Variants in SYT1 observed in about 807,000 individuals in gnomAD.
SYT1 encodes the protein synaptotagmin 1.
In SYT1, 8 loss-of-function variants were observed where a neutral mutation model predicts 44.8. That is an observed-to-expected ratio of 0.18 (90% confidence interval 0.10 to 0.32). The LOEUF (loss-of-function observed/expected upper bound fraction) is 0.32. SYT1 is among the 10% of genes least tolerant of loss of function. The probability of loss-of-function intolerance (pLI) is 1.00; values close to 1 mark genes in which losing one functional copy is unlikely to be tolerated. For synonymous variants in SYT1, 154 were observed against 188.8 expected, an observed-to-expected ratio of 0.82 and a Z score of 1.51; for missense variants, 286 against 509.3, an observed-to-expected ratio of 0.56 and a Z score of 4.22.
At chr12:78,914,265 A>G (rs1876515833) in intron 1 of SYT1, among the ~76,000 whole-genome samples, 1 of 151,826 alleles carries the variant, frequency 6.6e-6, no homozygotes. Flanking sequence ...TACCCTGGAA[A>G]CTATTTCTGT....
Position 78,873,361 on chromosome 12 carries a change from A to G in SYT1, c.-217+8252A>G, listed in dbSNP as rs982047797. On this transcript the variant is annotated intron_variant, in intron 1 of 10. Transcript: ENST00000261205. ...TACATAGTCTTTATTTATCCCACTG[A>G]AAAAATAAGAAAGATTTGATATACC... Among the ~76,000 whole-genome samples the G allele has an allele frequency of 3.9e-4, 59 of 151,722 alleles. 1 individual carries two copies. The highest frequency in any genetic ancestry group is 1.2e-3 in the Admixed American group (18 of 15,180).
intron 9 of SYT1, among the ~76,000 whole-genome samples, chr12:79,360,600 G>A (rs1021276555): frequency 6.6e-6 from 1 of 152,166 alleles, no homozygotes; most frequent in African/African-American, 2.4e-5. Context: ...AATTGGCCAT[G>A]ATATCAGGGT....
chr12:79,184,872 T>C (rs944476697), intron 3 of SYT1, among the ~76,000 whole-genome samples: 1 of 152,084 alleles, frequency 6.6e-6, no homozygotes, highest in Non-Finnish European at 1.5e-5. Context: ...ACTGGGAAAC[T>C]GTTGATATTT....
intron 8 of SYT1, among the ~76,000 whole-genome samples, chr12:79,340,298 A>G (rs11113802): frequency 6.6e-6 from 1 of 152,092 alleles, no homozygotes; most frequent in African/African-American, 2.4e-5. Flanking sequence ...CTTCCTGTCC[A>G]TGAACATGGA....
chr12:79,314,476 CT>C (rs1565904747), intron 8 of SYT1, among the ~76,000 whole-genome samples: 2 of 152,160 alleles, frequency 1.3e-5, no homozygotes, highest in Non-Finnish European at 2.9e-5. Flanking sequence ...ATGGTGTGAC[CT>C]CAGTGATTGT....
chr12:78,978,224 T>C (rs1383154146), intron 2 of SYT1, among the ~76,000 whole-genome samples: 3 of 152,222 alleles, frequency 2.0e-5, no homozygotes, highest in Non-Finnish European at 4.4e-5. Context: ...TTTTGTACTC[T>C]ATCAAATCCA....
At chr12:79,305,293 G>A (rs1489635348) in intron 8 of SYT1, among the ~76,000 whole-genome samples, 1 of 152,000 alleles carries the variant, frequency 6.6e-6, no homozygotes, top group African/African-American at 2.4e-5. Flanking sequence ...TTAAAGCAAG[G>A]AGAGATCCTG....
intron 2 of SYT1, among the ~76,000 whole-genome samples, chr12:78,979,711 A>C (rs543434681): frequency 6.6e-6 from 1 of 152,230 alleles, no homozygotes; most frequent in Non-Finnish European, 1.5e-5. Context: ...TTAAATTAAA[A>C]TTTTAATATT....
At chr12:79,056,620 G>A (rs1874965742) in intron 3 of SYT1, among the ~76,000 whole-genome samples, 1 of 151,982 alleles carries the variant, frequency 6.6e-6, no homozygotes, top group Non-Finnish European at 1.5e-5. Flanking sequence ...ACTCTAGACT[G>A]AACAGATGTC....
chr12:79,163,098 G>A (rs1389662613), intron 3 of SYT1, among the ~76,000 whole-genome samples: 3 of 152,068 alleles, frequency 2.0e-5, no homozygotes, highest in African/African-American at 7.2e-5. Flanking sequence ...AGCATTATCT[G>A]TATTTGCCTG....
intron 3 of SYT1, among the ~76,000 whole-genome samples, chr12:79,106,229 T>G (rs756442217): frequency 2.8e-4 from 43 of 152,130 alleles, no homozygotes; most frequent in Non-Finnish European, 5.6e-4. Context: ...CCGGTTGGAT[T>G]GTCAAGAGAA....
chr12:79,383,560 TC>T (rs1383777458), intron 9 of SYT1, among the ~76,000 whole-genome samples: 1 of 152,152 alleles, frequency 6.6e-6, no homozygotes, highest in East Asian at 1.9e-4. Flanking sequence ...AAAGAAAATC[TC>T]CTTTTGCTTT....
chr12:79,193,208 T>C (rs905730517), intron 3 of SYT1, among the ~76,000 whole-genome samples: 1 of 152,170 alleles, frequency 6.6e-6, no homozygotes, highest in East Asian at 1.9e-4. Context: ...GAGTTTACAG[T>C]ATGACTTTTT....
chr12:79,350,246 C>CTTTTTTT (rs1166413638), intron 8 of SYT1, among the ~76,000 whole-genome samples: 35 of 97,528 alleles, frequency 3.6e-4, no homozygotes, highest in African/African-American at 5.1e-4. Context: ...GATGCATATT[C>CTTTTTTT]TTTTTTTTTT....
At chr12:78,894,327 T>C (rs1396186848) in intron 1 of SYT1, among the ~76,000 whole-genome samples, 1 of 122,670 alleles carries the variant, frequency 8.2e-6, no homozygotes, top group Non-Finnish European at 1.7e-5. Flanking sequence ...TGTTTTTTAA[T>C]CTGTTTTTTT....
intron 9 of SYT1, among the ~76,000 whole-genome samples, chr12:79,437,523 T>G (rs1182330428): frequency 6.6e-6 from 1 of 151,928 alleles, no homozygotes; most frequent in Admixed American, 6.6e-5. Flanking sequence ...AAGAGAAGAG[T>G]TAAGGTGGTC....
At chr12:79,129,892 G>A (rs1048396439) in intron 3 of SYT1, among the ~76,000 whole-genome samples, 7 of 151,898 alleles carry the variant, frequency 4.6e-5, no homozygotes, top group Admixed American at 3.9e-4. Flanking sequence ...TTCAAATATG[G>A]GTATATTATA....
intron 3 of SYT1, among the ~76,000 whole-genome samples, chr12:79,115,570 C>T (rs1248970639): frequency 1.3e-5 from 2 of 152,094 alleles, no homozygotes; most frequent in Non-Finnish European, 2.9e-5. Flanking sequence ...TTTTTAACCC[C>T]CTTAAGTGAA....
intron 3 of SYT1, among the ~76,000 whole-genome samples, chr12:79,048,886 GA>G (rs1874265690): frequency 6.6e-6 from 1 of 151,848 alleles, no homozygotes; most frequent in Non-Finnish European, 1.5e-5. Context: ...CATAGACAAT[GA>G]AATCATTCAG....
Sources: gnomAD v4.1 joint callset for allele counts (sites outside exome capture counted in the v4.1 genomes callset) on GRCh38, gnomAD v4.1.1 for gene constraint, MANE v1.5 for transcripts, NCBI Gene and HGNC (gene_info 2026-07-23, HGNC 2026-07-21) for gene names.